Variants in GXYLT2 observed in about 807,000 individuals in gnomAD.
GXYLT2 encodes the protein glycosyltransferase 8 domain containing 4.
Under a neutral mutation model 45.8 loss-of-function variants are expected in GXYLT2, and 53 were observed. The ratio of observed to expected loss-of-function variants is 1.16; its 90% confidence interval spans 0.93 to 1.46. GXYLT2 has a LOEUF of 1.46. GXYLT2 is among the 40% of genes most tolerant of loss of function. The pLI is 0.00. For synonymous variants in GXYLT2, 219 were observed against 214.2 expected, an observed-to-expected ratio of 1.02 and a Z score of -0.19; for missense variants, 551 against 544.4, an observed-to-expected ratio of 1.01 and a Z score of -0.12.
chr3:72,958,371 T>C (rs2107145076), intron 5 of GXYLT2, among the ~76,000 whole-genome samples: 1 of 152,254 alleles, frequency 6.6e-6, no homozygotes, highest in African/African-American at 2.4e-5. Context: ...GCCTTTCCTT[T>C]TGATTTAAAA....
At chr3:72,971,873 C>A (rs990576429) in intron 6 of GXYLT2, among the ~76,000 whole-genome samples, 1 of 151,358 alleles carries the variant, frequency 6.6e-6, no homozygotes. Flanking sequence ...GGCTTGAAAC[C>A]GGGAGGCAGA....
At chr3:72,933,795 G>C (rs116201602) in intron 3 of GXYLT2, among the ~76,000 whole-genome samples, 4 of 152,198 alleles carry the variant, frequency 2.6e-5, no homozygotes, top group African/African-American at 7.2e-5. Flanking sequence ...CAGCAGCCTG[G>C]GGGGGCCGAG....
At chr3:72,974,880 G>C (rs971180954) in intron 6 of GXYLT2, 97 bp from the exon 7 acceptor site, 17 of 912,208 alleles carry the variant, frequency 1.9e-5, no homozygotes, top group Non-Finnish European at 2.9e-5. Flanking sequence ...GTGCCTGTGG[G>C]CTTATCGTAA....
intron 2 of GXYLT2, among the ~76,000 whole-genome samples, chr3:72,919,266 T>G (rs1479128127): frequency 6.6e-6 from 1 of 152,166 alleles, no homozygotes. Flanking sequence ...ATAAACAAAC[T>G]GTGATATATT....
chr3:72,965,035 T>C (rs561211469), intron 5 of GXYLT2, among the ~76,000 whole-genome samples: 1 of 152,324 alleles, frequency 6.6e-6, no homozygotes, highest in East Asian at 1.9e-4. Context: ...GGAGTTGTGA[T>C]TCAAATCTAT....
chr3:72,908,316 T>C (rs1437624068), intron 1 of GXYLT2, 51 bp from the exon 2 acceptor site: 44 of 1,427,966 alleles, frequency 3.1e-5, no homozygotes, highest in Non-Finnish European at 4.0e-5. Context: ...TTTTGTTGTT[T>C]TTACTTTTTT....
intron 1 of GXYLT2, among the ~76,000 whole-genome samples, chr3:72,889,890 C>G (rs919428768): frequency 1.4e-5 from 2 of 139,948 alleles, no homozygotes; most frequent in South Asian, 2.4e-4. Context: ...CGCTGTTTTT[C>G]TTTTGGTTTT....
intron 1 of GXYLT2, among the ~76,000 whole-genome samples, chr3:72,904,161 G>T (rs575328535): frequency 8.6e-4 from 131 of 152,332 alleles, no homozygotes; most frequent in Non-Finnish European, 1.2e-3. Flanking sequence ...TTAACCATCA[G>T]TCACAGCAGT....
chr3:72,947,945 G>A lies in GXYLT2; in HGVS notation c.601-7153G>A, dbSNP rs537347264. On this transcript the variant is annotated intron_variant, in intron 3 of 6. Transcript: ENST00000389617. The stretch of plus-strand genomic sequence containing the variant: ...GTAAGGATCAACCCATCAGGAAGGC[G>A]TAACCATCTCAAATGAGTGTACACT... 1.1e-4 allele frequency among the ~76,000 whole-genome samples: 16 copies of A among 152,268 alleles called. No homozygotes were observed. The South Asian group carries it at 3.1e-3, about 30-fold the overall frequency.
chr3:72,971,836 C>G (rs1422497138), intron 6 of GXYLT2, among the ~76,000 whole-genome samples: 6 of 126,706 alleles, frequency 4.7e-5, no homozygotes, highest in African/African-American at 1.5e-4. Flanking sequence ...GTAATCCCAG[C>G]TACTTGGGAG....
At chr3:72,951,077 C>T (rs1009269077) in intron 3 of GXYLT2, among the ~76,000 whole-genome samples, 6 of 152,128 alleles carry the variant, frequency 3.9e-5, no homozygotes, top group Non-Finnish European at 5.9e-5. Flanking sequence ...TATATCCTTT[C>T]GATAAATATC....
At chr3:72,932,172 C>A (rs1291670057) in intron 3 of GXYLT2, among the ~76,000 whole-genome samples, 1 of 151,866 alleles carries the variant, frequency 6.6e-6, no homozygotes, top group Non-Finnish European at 1.5e-5. Flanking sequence ...CTTGCCTCAG[C>A]CTCCCCAGTA....
At chr3:72,904,743 G>T (rs574489779) in intron 1 of GXYLT2, among the ~76,000 whole-genome samples, 48 of 151,470 alleles carry the variant, frequency 3.2e-4, no homozygotes, top group Admixed American at 1.4e-3. Context: ...ATTTTAATCA[G>T]AAATAACCAC....
chr3:72,897,884 T>C (rs1287199072), intron 1 of GXYLT2, among the ~76,000 whole-genome samples: 1 of 148,730 alleles, frequency 6.7e-6, no homozygotes, highest in Non-Finnish European at 1.5e-5. Context: ...ACCTCTCTAG[T>C]TTTTTGTTAG....
chr3:72,927,939 T>G (rs537214930), intron 3 of GXYLT2, among the ~76,000 whole-genome samples: 47 of 152,340 alleles, frequency 3.1e-4, no homozygotes, highest in African/African-American at 1.1e-3. Flanking sequence ...GGAAATTAAT[T>G]TATTGGCTTA....
At chr3:72,970,745 C>A (rs561725170) in intron 6 of GXYLT2, among the ~76,000 whole-genome samples, 58 of 152,150 alleles carry the variant, frequency 3.8e-4, no homozygotes, top group Non-Finnish European at 5.9e-4. Context: ...GCCTGTAATC[C>A]CAGCTACTCG....
At chr3:72,956,523 G>T (rs1277917285) in intron 4 of GXYLT2, among the ~76,000 whole-genome samples, 2 of 152,142 alleles carry the variant, frequency 1.3e-5, no homozygotes, top group African/African-American at 4.8e-5. Flanking sequence ...TCACAGTGAG[G>T]AAATAAGCCT....
rs775280598 is a variant in GXYLT2, at chr3:72,922,375, G to A, written c.600+40G>A. ...TTTTAATAAGTTGTAGCTTGCTCCT[G>A]GAAATAAGGTAAAATTAGCTGAGAT... On this transcript the variant is annotated intron_variant, in intron 3 of 6. Coordinates refer to ENST00000389617, the MANE Select transcript of GXYLT2 (RefSeq NM_001080393.2). 1.9e-6 allele frequency: 3 copies of A among 1,585,638 alleles called. No individual in the cohort carries two copies. In the East Asian group the frequency reaches 6.8e-5, roughly 36 times the overall value.
chr3:72,918,311 G>C (rs1709774269), intron 2 of GXYLT2, among the ~76,000 whole-genome samples: 1 of 152,140 alleles, frequency 6.6e-6, no homozygotes, highest in African/African-American at 2.4e-5. Flanking sequence ...GCTGACCCCA[G>C]TTCTATGACA....
Sources: allele counts gnomAD v4.1 joint callset (sites outside exome capture counted in the v4.1 genomes callset), GRCh38; gene constraint gnomAD v4.1.1; transcripts MANE v1.5; gene names NCBI Gene and HGNC (gene_info 2026-07-23, HGNC 2026-07-21).